Variants in FAM76B observed in about 807,000 individuals in gnomAD.
FAM76B encodes the protein family with sequence similarity 76 member B.
FAM76B carries 16 observed loss-of-function variants against 51.8 expected under a neutral mutation model. The ratio of observed to expected loss-of-function variants is 0.31; its 90% confidence interval spans 0.21 to 0.47. FAM76B has a LOEUF of 0.47. Ranked by LOEUF, FAM76B falls within the 20% of genes least tolerant of loss-of-function variation. The pLI is 1.00. For missense variants in FAM76B, 342 were observed against 392.6 expected (o/e 0.87, Z 1.09); for synonymous variants, 166 against 129.5 (o/e 1.28, Z -1.91).
chr11:95,779,570 GTTGAA>G (rs1565289062), intron 7 of FAM76B, 32 bp downstream of exon 7: 1 of 1,546,386 alleles, frequency 6.5e-7, no homozygotes, highest in Non-Finnish European at 8.8e-7. Flanking sequence ...ATTCAACTAA[GTTGAA>G]TTTTCATAAC....
intron 1 of FAM76B, 145 bp downstream of exon 1, chr11:95,789,247 G>A: frequency 1.0e-6 from 1 of 996,540 alleles, no homozygotes; most frequent in South Asian, 1.5e-5. Context: ...CCCAGAAAAA[G>A]GGGTCCCCGA....
At chr11:95,774,468 C>T (rs188532646) in intron 9 of FAM76B, among the ~76,000 whole-genome samples, 2 of 151,454 alleles carry the variant, frequency 1.3e-5, no homozygotes, top group East Asian at 3.9e-4. Context: ...AACACACAAA[C>T]TGCTCTTTTG....
intron 2 of FAM76B, among the ~76,000 whole-genome samples, chr11:95,788,271 T>C (rs1860714492): frequency 6.6e-6 from 1 of 152,248 alleles, no homozygotes; most frequent in African/African-American, 2.4e-5. Context: ...ACATTTTCCA[T>C]GTAGTATTAT....
Position 95,771,458 on chromosome 11 carries a change from G to T in FAM76B, c.*103C>A. 1.4e-6 allele frequency: 1 copy of T among 725,460 alleles called. No individual in the cohort carries two copies. Among genetic ancestry groups the T allele is most frequent in the African/African-American group, 1.8e-5 (1 of 55,136 alleles). 44.9% of individuals were successfully genotyped at this position (725,460 alleles called of 1,614,324 possible). On this transcript the variant is annotated 3_prime_UTR_variant, in exon 10 of 10. Coordinates refer to ENST00000358780, the MANE Select transcript of FAM76B (RefSeq NM_144664.5). ...GAACAGGAAACACACCAATTCATTT[G>T]GTGTGCAAAAATATTTTTCTACTAC...
Position 95,778,906 on chromosome 11 carries a change from A to T in FAM76B, c.744T>A (p.Leu248=). The part of the protein sequence containing the change: ...ADSGGTDNFV[L]ISQLKEEVMS... Reference sequence around the variant, plus strand: ...TCACTTCTTCTTTCAATTGACTTATAAGGACAAAATTGTCTGTTCCCCCAC... The same window carrying T: ...TCACTTCTTCTTTCAATTGACTTATTAGGACAAAATTGTCTGTTCCCCCAC... The change falls in exon 8 of 10, where the codon CTT becomes CTA. Residue 248 remains leucine, a synonymous_variant. Coordinates refer to ENST00000358780, the MANE Select transcript of FAM76B (RefSeq NM_144664.5). 6.2e-7 allele frequency: 1 copy of T among 1,610,960 alleles called. No homozygotes were observed. Among genetic ancestry groups the T allele is most frequent in the Non-Finnish European group, 8.5e-7 (1 of 1,178,064 alleles).
intron 2 of FAM76B, 117 bp downstream of exon 2, chr11:95,788,382 T>C (rs1591028990): frequency 2.4e-6 from 2 of 838,428 alleles, no homozygotes; most frequent in East Asian, 2.6e-5. Context: ...ACTTAAAATT[T>C]CTGGGGCTAA....
rs763209031 is a variant in FAM76B, at chr11:95,778,772, C to G, written c.828+50G>C. 2.6e-6 allele frequency: 4 copies of G among 1,509,752 alleles called. No homozygotes were observed. The South Asian group carries it at 5.4e-5, about 20-fold the overall frequency. 93.5% of individuals were successfully genotyped at this position (1,509,752 alleles called of 1,614,324 possible). A position where few individuals can be genotyped will look rare whatever the true frequency, so the allele number is the denominator to read the frequency against. ...TCTAATAAAATTTGCGATTATCAAG[C>G]AACAGTCAACACATAACTCTTACCA... On this transcript the variant is annotated intron_variant, in intron 8 of 9. Coordinates refer to ENST00000358780, the MANE Select transcript of FAM76B (RefSeq NM_144664.5).
At chr11:95,783,612 T>C (rs1344595094) in intron 4 of FAM76B, among the ~76,000 whole-genome samples, 1 of 151,738 alleles carries the variant, frequency 6.6e-6, no homozygotes, top group African/African-American at 2.4e-5. Context: ...TATATCGCTG[T>C]GTCATTACTA....
At chr11:95,774,893 C>T (rs1236859244) in intron 9 of FAM76B, among the ~76,000 whole-genome samples, 1 of 150,824 alleles carries the variant, frequency 6.6e-6, no homozygotes, top group African/African-American at 2.4e-5. Context: ...ATCTGTACCT[C>T]GAATTTGAGC....
At chr11:95,784,553 A>T (rs1302315913) in intron 4 of FAM76B, among the ~76,000 whole-genome samples, 6 of 148,602 alleles carry the variant, frequency 4.0e-5, no homozygotes, top group Non-Finnish European at 7.4e-5. Flanking sequence ...ATTAATCGAC[A>T]GTGTGTGTGT....
chr11:95,786,470 G>A, intron 3 of FAM76B, 196 bp from the exon 4 acceptor site: 1 of 512,554 alleles, frequency 2.0e-6, no homozygotes, highest in Non-Finnish European at 3.4e-6. Flanking sequence ...TTTATTTCTA[G>A]TCATGTAACT....
chr11:95,775,481 C>T (rs1169927402), intron 9 of FAM76B, among the ~76,000 whole-genome samples: 1 of 151,440 alleles, frequency 6.6e-6, no homozygotes, highest in Non-Finnish European at 1.5e-5. Flanking sequence ...GCTTTGCACA[C>T]ATTTTTGCCA....
chr11:95,787,341 C>G (rs1860656944), intron 3 of FAM76B, among the ~76,000 whole-genome samples: 1 of 152,092 alleles, frequency 6.6e-6, no homozygotes. Context: ...TCACGCCATT[C>G]TCCTGCCTCA....
chr11:95,789,382 G>A lies in FAM76B; in HGVS notation c.87+10C>T. On this transcript the variant is annotated intron_variant, in intron 1 of 9. Transcript: ENST00000358780. ...ACACCCATCCCGCCCGCCTCCCGGA[G>A]CCCACGGACCTTGCAGAGCTGCTGG... The A allele has an allele frequency of 3.8e-6, 6 of 1,588,706 alleles. No homozygotes were observed. Among genetic ancestry groups the A allele is most frequent in the Non-Finnish European group, 5.1e-6 (6 of 1,168,154 alleles).
At chr11:95,779,403 A>C in intron 7 of FAM76B, 2 of 578,814 alleles carry the variant, frequency 3.5e-6, no homozygotes, top group Non-Finnish European at 5.7e-6. Flanking sequence ...TTATTTCCCA[A>C]ATAGAACAAC....
chr11:95,787,324 C>T (rs1860655722), intron 3 of FAM76B, among the ~76,000 whole-genome samples: 1 of 152,150 alleles, frequency 6.6e-6, no homozygotes, highest in Non-Finnish European at 1.5e-5. Flanking sequence ...AACTCCGCCT[C>T]CTGAGTTCAC....
chr11:95,782,978 T>G, intron 5 of FAM76B, 87 bp downstream of exon 5: 1 of 1,516,750 alleles, frequency 6.6e-7, no homozygotes, highest in Non-Finnish European at 9.0e-7. Flanking sequence ...GACTAGCACA[T>G]AGTCAATATT....
chr11:95,784,975 T>C (rs1860483906), intron 4 of FAM76B, among the ~76,000 whole-genome samples: 3 of 152,182 alleles, frequency 2.0e-5, no homozygotes, highest in Admixed American at 2.0e-4. Context: ...AACATGTTAT[T>C]ACTGGAAATG....
In FAM76B at chr11:95,789,578, T is replaced by TCCCCCTCCC; in HGVS notation, c.-109_-101dup. 9.9e-7 allele frequency: 1 copy of TCCCCCTCCC among 1,014,582 alleles called. No homozygotes were observed. The highest frequency in any genetic ancestry group is 1.4e-6 in the Non-Finnish European group (1 of 707,618). 62.8% of individuals were successfully genotyped at this position (1,014,582 alleles called of 1,614,324 possible). ...CGCCCGGGCCGCGGGCTCCTCCTCC[T>TCCCCCTCCC]CCCCCTCCCCCTGCCTCGCGCCCAC... On this transcript the variant is annotated 5_prime_UTR_variant, in exon 1 of 10. Transcript: ENST00000358780.
Sources: allele counts gnomAD v4.1 joint callset (sites outside exome capture counted in the v4.1 genomes callset), GRCh38; gene constraint gnomAD v4.1.1; transcripts MANE v1.5; gene names NCBI Gene and HGNC (gene_info 2026-07-23, HGNC 2026-07-21).